The following CPLX4 variants were observed in gnomAD, a reference collection of about 807,000 sequenced individuals.
CPLX4 encodes the protein complexin 4.
In CPLX4, 17 loss-of-function variants were observed where a neutral mutation model predicts 16.1. The ratio of observed to expected loss-of-function variants is 1.06; its 90% CI spans 0.72 to 1.59. The LOEUF (loss-of-function observed/expected upper bound fraction) is 1.59. CPLX4 is among the 40% of genes most tolerant of loss of function. CPLX4 has a pLI of 0.00. For synonymous variants in CPLX4, 55 were observed against 57.8 expected (o/e 0.95, Z 0.22); for missense variants, 193 against 192.9 (o/e 1.00, Z 0.00).
rs2070663960 is a variant in CPLX4, at chr18:59,318,284, G to C, written c.167+12C>G. On this transcript the variant is annotated intron_variant, in intron 1 of 2. Transcript: ENST00000299721. ...TTTGCTTTTTAAGGGAAATGAAATAGCATGTACTCACTTCTCCTCAATCAT... is the reference window on the plus strand; with the variant it reads ...TTTGCTTTTTAAGGGAAATGAAATACCATGTACTCACTTCTCCTCAATCAT... 6.3e-7 allele frequency: 1 copy of C among 1,593,950 alleles called. No homozygotes were observed. The highest frequency in any genetic ancestry group is 8.5e-7 in the Non-Finnish European group (1 of 1,170,504).
chr18:59,309,370 C>G (rs1314695585), intron 2 of CPLX4, among the ~76,000 whole-genome samples: 1 of 152,154 alleles, frequency 6.6e-6, no homozygotes, highest in Non-Finnish European at 1.5e-5. Flanking sequence ...AAGTGAAATT[C>G]TTATCTGTTT....
At chr18:59,314,359 T>TA (rs772542608) in intron 1 of CPLX4, among the ~76,000 whole-genome samples, 12 of 151,770 alleles carry the variant, frequency 7.9e-5, no homozygotes, top group Non-Finnish European at 1.2e-4. Flanking sequence ...CTTTTTTTTT[T>TA]ATCACACCTA....
Position 59,307,753 on chromosome 18 carries a change from A to ATTTTTTTTTTTT in CPLX4, c.255+4920_255+4931dup, listed in dbSNP as rs527371314. On this transcript the variant is annotated intron_variant, in intron 2 of 2. Coordinates refer to ENST00000299721, the MANE Select transcript of CPLX4 (RefSeq NM_181654.4). Reference sequence around the variant, plus strand: ...CTCGCATCCCCACTGTGTTTTTCTGATTTTTTTTTTTTTTTTGAAATGGAG... The same window carrying ATTTTTTTTTTTT: ...CTCGCATCCCCACTGTGTTTTTCTGATTTTTTTTTTTTTTTTTTTTTTTTTTTTGAAATGGAG... 9.1e-4 allele frequency among the ~76,000 whole-genome samples: 119 copies of ATTTTTTTTTTTT among 130,948 alleles called. 1 individual carries two copies. Among genetic ancestry groups the ATTTTTTTTTTTT allele is most frequent in the African/African-American group, 1.8e-3 (65 of 36,150 alleles). The allele number at this position is 130,948 out of a possible 152,430, so 85.9% of individuals were successfully genotyped here.
chr18:59,304,822 G>A (rs1289364235), intron 2 of CPLX4, among the ~76,000 whole-genome samples: 1 of 152,050 alleles, frequency 6.6e-6, no homozygotes, highest in African/African-American at 2.4e-5. Context: ...TGCCCACCTC[G>A]GCTTCCCAAA....
At chr18:59,309,849 GA>G (rs1225652176) in intron 2 of CPLX4, among the ~76,000 whole-genome samples, 3 of 126,616 alleles carry the variant, frequency 2.4e-5, no homozygotes, top group East Asian at 2.4e-4. Flanking sequence ...AAAAGAAAAA[GA>G]AAAAAAGAGT....
intron 2 of CPLX4, among the ~76,000 whole-genome samples, chr18:59,312,253 A>C (rs1044285001): frequency 2.6e-5 from 4 of 152,060 alleles, no homozygotes; most frequent in African/African-American, 9.7e-5. Flanking sequence ...TTAAAATGTC[A>C]TCTATAGGTA....
chr18:59,302,612 C>A (rs2070549466), intron 2 of CPLX4, among the ~76,000 whole-genome samples: 1 of 152,278 alleles, frequency 6.6e-6, no homozygotes. Context: ...TGTTTTTAAC[C>A]AGACTTATTA....
At chr18:59,305,472 T>G (rs2070570535) in intron 2 of CPLX4, among the ~76,000 whole-genome samples, 1 of 152,124 alleles carries the variant, frequency 6.6e-6, no homozygotes, top group South Asian at 2.1e-4. Context: ...TATGGTGAAT[T>G]GAGAACTCTG....
At chr18:59,316,584 G>T (rs2144194384) in intron 1 of CPLX4, among the ~76,000 whole-genome samples, 1 of 152,160 alleles carries the variant, frequency 6.6e-6, no homozygotes, top group African/African-American at 2.4e-5. Flanking sequence ...GAAGCCAAAT[G>T]CTCCATTGTC....
intron 1 of CPLX4, 122 bp from the exon 2 acceptor site, chr18:59,312,894 G>A (rs1469926791): frequency 7.5e-6 from 4 of 530,478 alleles, no homozygotes; most frequent in Non-Finnish European, 1.3e-5. Context: ...AGACACTTGG[G>A]AACTATGGGA....
At chr18:59,314,523 T>G (rs1437013386) in intron 1 of CPLX4, among the ~76,000 whole-genome samples, 9 of 152,178 alleles carry the variant, frequency 5.9e-5, no homozygotes, top group Non-Finnish European at 1.2e-4. Context: ...AAAATTTGTA[T>G]CCAATGCAAT....
intron 2 of CPLX4, among the ~76,000 whole-genome samples, chr18:59,311,743 CAGAGT>C (rs2070618227): frequency 1.3e-5 from 2 of 152,170 alleles, no homozygotes; most frequent in Non-Finnish European, 2.9e-5. Flanking sequence ...TGGTATGAGT[CAGAGT>C]AGCAAAGTGA....
intron 1 of CPLX4, 139 bp downstream of exon 1, chr18:59,318,157 C>A (rs991284556): frequency 4.3e-6 from 6 of 1,387,506 alleles, no homozygotes; most frequent in South Asian, 4.1e-5. Flanking sequence ...AGAAGAACAA[C>A]CTTTCCTTGG....
At chr18:59,312,981 G>A (rs1384545342) in intron 1 of CPLX4, among the ~76,000 whole-genome samples, 1 of 152,076 alleles carries the variant, frequency 6.6e-6, no homozygotes, top group Non-Finnish European at 1.5e-5. Context: ...ATACCTCTAA[G>A]TCTCAAAGAC....
chr18:59,312,549 ATT>A (rs1365813077), intron 2 of CPLX4, 134 bp downstream of exon 2: 2,477 of 196,968 alleles, frequency 0.013, 48 homozygotes, highest in African/African-American at 0.049. Flanking sequence ...GAATATATAT[ATT>A]TTTATATATA....
intron 2 of CPLX4, among the ~76,000 whole-genome samples, chr18:59,302,464 T>G (rs536418645): frequency 6.6e-6 from 1 of 152,382 alleles, no homozygotes; most frequent in South Asian, 2.1e-4. Context: ...AGGGGACTTA[T>G]AGGCTATACT....
At chr18:59,313,337 C>A (rs761838577) in intron 1 of CPLX4, among the ~76,000 whole-genome samples, 1 of 152,080 alleles carries the variant, frequency 6.6e-6, no homozygotes, top group Non-Finnish European at 1.5e-5. Context: ...AATTTAGGTA[C>A]GGTATTTTCT....
rs76589332 is a variant in CPLX4 at position 59,297,028 on chromosome 18, G to T, written c.256-103C>A. 172 of 1,479,114 alleles carry T rather than the reference G, an allele frequency of 1.2e-4. No individual in the cohort carries two copies. The East Asian group carries it at 4.2e-3, about 36-fold the overall frequency. 91.6% of individuals were successfully genotyped at this position (1,479,114 alleles called of 1,614,324 possible). ...AGGAAAAGGTCTTTAGAGAATACAG[G>T]AAGTGAGTGGCACTCTTGGCCTTGC... On this transcript the variant is annotated intron_variant, in intron 2 of 2. Coordinates refer to ENST00000299721, the MANE Select transcript of CPLX4 (RefSeq NM_181654.4).
chr18:59,308,673 G>A (rs531031413), intron 2 of CPLX4, among the ~76,000 whole-genome samples: 2 of 152,138 alleles, frequency 1.3e-5, no homozygotes, highest in African/African-American at 4.8e-5. Flanking sequence ...ACCAGGGGGC[G>A]CCGGCGTCGA....
Sources: gnomAD v4.1 joint callset for allele counts (sites outside exome capture counted in the v4.1 genomes callset) on GRCh38, gnomAD v4.1.1 for gene constraint, MANE v1.5 for transcripts, NCBI Gene and HGNC (gene_info 2026-07-23, HGNC 2026-07-21) for gene names.